TMEM117: variants seen among roughly 807,000 people sequenced by gnomAD.
The protein encoded by TMEM117 is transmembrane protein 117.
TMEM117 carries 27 observed loss-of-function variants against 52.4 expected under a neutral mutation model. The observed-to-expected ratio is 0.51, with a 90% CI of 0.38 to 0.71. The LOEUF (loss-of-function observed/expected upper bound fraction) is 0.71, where lower values mean the gene tolerates loss of function less well. TMEM117 is among the 30% of genes least tolerant of loss of function. TMEM117 has a pLI of 0.00. For missense variants in TMEM117, 556 were observed against 630.5 expected, an observed-to-expected ratio of 0.88 and a Z score of 1.26; for synonymous variants, 215 against 206.3, an observed-to-expected ratio of 1.04 and a Z score of -0.36.
chr12:44,296,962 C>T (rs1950776832), intron 5 of TMEM117, among the ~76,000 whole-genome samples: 1 of 152,152 alleles, frequency 6.6e-6, no homozygotes, highest in Admixed American at 6.5e-5. Flanking sequence ...TGGGTACAAG[C>T]CTGCCCTCTC....
intron 2 of TMEM117, among the ~76,000 whole-genome samples, chr12:43,928,881 A>G (rs1413393622): frequency 5.3e-5 from 8 of 151,680 alleles, no homozygotes; most frequent in African/African-American, 1.2e-4. Context: ...TACTGAGAAT[A>G]ATGATTTCCA....
chr12:43,915,204 C>T (rs1252144239), intron 2 of TMEM117, among the ~76,000 whole-genome samples: 5 of 152,146 alleles, frequency 3.3e-5, no homozygotes, highest in Admixed American at 2.0e-4. Flanking sequence ...TTGGCCACCC[C>T]TCAGTGACAT....
At chr12:43,983,645 TTATATA>T (rs1168448147) in intron 3 of TMEM117, among the ~76,000 whole-genome samples, 3 of 148,824 alleles carry the variant, frequency 2.0e-5, no homozygotes, top group African/African-American at 7.4e-5. Context: ...AGGATTTACT[TTATATA>T]TAAGTAACAA....
intron 3 of TMEM117, among the ~76,000 whole-genome samples, chr12:43,962,509 T>C (rs1488830088): frequency 6.6e-6 from 1 of 152,188 alleles, no homozygotes; most frequent in Non-Finnish European, 1.5e-5. Flanking sequence ...CTTTATGTCA[T>C]TTACAATAGA....
chr12:43,908,383 T>A (rs1944431350), intron 2 of TMEM117, among the ~76,000 whole-genome samples: 1 of 113,024 alleles, frequency 8.8e-6, no homozygotes, highest in Non-Finnish European at 2.0e-5. Flanking sequence ...TACCAGCCAC[T>A]GCAAAATCAT....
At chr12:43,971,021 T>C (rs1945577050) in intron 3 of TMEM117, among the ~76,000 whole-genome samples, 2 of 151,474 alleles carry the variant, frequency 1.3e-5, no homozygotes, top group Non-Finnish European at 2.9e-5. Context: ...CTTGCCACCC[T>C]CTCTGTTCCA....
Position 44,085,951 on chromosome 12 carries a change from T to C in TMEM117, c.411-57574T>C, listed in dbSNP as rs564194544. On this transcript the variant is annotated intron_variant, in intron 3 of 7. Transcript: ENST00000266534. ...AGAAAAAAGAGAAGAGGATGAAGAG[T>C]ATGAGAAAGGAGAGAGAGAGGGAAG... Among the ~76,000 whole-genome samples the C allele has an allele frequency of 2.0e-5, 3 of 151,878 alleles. No individual in the cohort carries two copies. In the East Asian group the frequency reaches 5.8e-4, roughly 30 times the overall value.
intron 3 of TMEM117, among the ~76,000 whole-genome samples, chr12:43,972,751 T>C (rs1285261145): frequency 6.6e-6 from 1 of 152,182 alleles, no homozygotes. Context: ...GGCTGTGTTT[T>C]TACAGAGCAC....
At chr12:44,296,290 G>A (rs940847149) in intron 5 of TMEM117, among the ~76,000 whole-genome samples, 8 of 152,158 alleles carry the variant, frequency 5.3e-5, no homozygotes, top group African/African-American at 1.4e-4. Flanking sequence ...CCTTGGTCAG[G>A]CAGAACTGGT....
chr12:44,171,311 G>A (rs369553464), intron 4 of TMEM117, among the ~76,000 whole-genome samples: 6 of 152,226 alleles, frequency 3.9e-5, no homozygotes, highest in African/African-American at 1.2e-4. Flanking sequence ...CACCGCGCCC[G>A]GCCTTTATTA....
intron 3 of TMEM117, among the ~76,000 whole-genome samples, chr12:44,092,014 GA>G (rs966211723): frequency 2.0e-4 from 30 of 152,192 alleles, no homozygotes; most frequent in South Asian, 6.2e-4. Context: ...GATGAGGGGG[GA>G]AAAAAGTATA....
intron 4 of TMEM117, among the ~76,000 whole-genome samples, chr12:44,189,701 C>G (rs759358101): frequency 2.0e-5 from 3 of 152,166 alleles, no homozygotes; most frequent in Non-Finnish European, 4.4e-5. Context: ...CAAAGTGAAG[C>G]AAGCAATATA....
At chr12:43,819,488 C>T in the TMEM117 span, among the ~76,000 whole-genome samples, 7 of 152,116 alleles carry the variant, frequency 4.6e-5, no homozygotes, top group Non-Finnish European at 8.8e-5. Context: ...TAAATTGAAA[C>T]AGGCGGCTGG....
At chr12:44,163,196 G>A (rs1948920988) in intron 4 of TMEM117, among the ~76,000 whole-genome samples, 1 of 152,154 alleles carries the variant, frequency 6.6e-6, no homozygotes, top group African/African-American at 2.4e-5. Flanking sequence ...CTAGGCACGA[G>A]CCACATTTAA....
intron 6 of TMEM117, among the ~76,000 whole-genome samples, chr12:44,356,398 A>G (rs1434199255): frequency 6.6e-6 from 1 of 152,106 alleles, no homozygotes; most frequent in East Asian, 1.9e-4. Context: ...TGGCAAAAAT[A>G]ATGGAATTAA....
At chr12:44,044,453 C>T (rs1287417881) in intron 3 of TMEM117, among the ~76,000 whole-genome samples, 7 of 152,140 alleles carry the variant, frequency 4.6e-5, no homozygotes, top group Admixed American at 4.6e-4. Context: ...ACCCATCCTG[C>T]CATAATGTGG....
At chr12:43,944,955 A>G (rs1197123973) in intron 3 of TMEM117, among the ~76,000 whole-genome samples, 2 of 152,022 alleles carry the variant, frequency 1.3e-5, no homozygotes, top group East Asian at 1.9e-4. Context: ...TACTAAAAAT[A>G]TAAAAATTAG....
chr12:43,930,669 T>A (rs866298425), intron 2 of TMEM117, among the ~76,000 whole-genome samples: 5 of 152,370 alleles, frequency 3.3e-5, no homozygotes, highest in Middle Eastern at 6.8e-3. Flanking sequence ...AGATTGATAG[T>A]TATTTCCTCT....
At chr12:43,977,397 C>T (rs561391147) in intron 3 of TMEM117, among the ~76,000 whole-genome samples, 21 of 152,056 alleles carry the variant, frequency 1.4e-4, no homozygotes, top group Non-Finnish European at 2.8e-4. Flanking sequence ...ATGTGTCGTG[C>T]TGGAATCCAC....
Sources: gnomAD v4.1 joint callset for allele counts (sites outside exome capture counted in the v4.1 genomes callset) on GRCh38, gnomAD v4.1.1 for gene constraint, MANE v1.5 for transcripts, NCBI Gene and HGNC (gene_info 2026-07-23, HGNC 2026-07-21) for gene names.